ATP10D: variants seen among roughly 807,000 people sequenced by gnomAD.
ATP10D encodes the protein phospholipid-transporting ATPase VD.
Under a neutral mutation model 144.8 loss-of-function variants are expected in ATP10D, and 89 were observed. The ratio of observed to expected loss-of-function variants is 0.61; its 90% CI spans 0.52 to 0.73. The LOEUF is 0.73. Ranked by LOEUF, ATP10D falls within the 30% of genes least tolerant of loss-of-function variation. The probability of loss-of-function intolerance (pLI) is 0.00; values close to 1 mark genes in which losing one functional copy is unlikely to be tolerated. For missense variants in ATP10D, 1,603 were observed against 1,714.8 expected (o/e 0.93, Z 1.15); for synonymous variants, 571 against 615.1 (o/e 0.93, Z 1.06).
At chr4:47,538,824 G>T (rs1293566666) in intron 9 of ATP10D, among the ~76,000 whole-genome samples, 1 of 152,184 alleles carries the variant, frequency 6.6e-6, no homozygotes, top group Non-Finnish European at 1.5e-5. Context: ...AGAGCAGTTT[G>T]CTTCTTCAAG....
intron 5 of ATP10D, among the ~76,000 whole-genome samples, chr4:47,532,375 G>T (rs573776381): frequency 6.6e-6 from 1 of 152,134 alleles, no homozygotes; most frequent in East Asian, 1.9e-4. Flanking sequence ...TCTGATATCC[G>T]TTTGCTTTGA....
At chr4:47,501,822 G>A (rs958510471) in intron 1 of ATP10D, among the ~76,000 whole-genome samples, 1 of 152,104 alleles carries the variant, frequency 6.6e-6, no homozygotes, top group Non-Finnish European at 1.5e-5. Flanking sequence ...GGTAGATATT[G>A]TTATGATCTT....
At chr4:47,489,133 C>T (rs1002812889) in intron 1 of ATP10D, among the ~76,000 whole-genome samples, 2 of 152,016 alleles carry the variant, frequency 1.3e-5, no homozygotes, top group African/African-American at 2.4e-5. Context: ...ATGAGCAATT[C>T]GCAAAAGACA....
intron 21 of ATP10D, 21 bp downstream of exon 21, chr4:47,582,085 T>C (rs1419200298): frequency 1.3e-6 from 2 of 1,567,250 alleles, no homozygotes; most frequent in African/African-American, 2.7e-5. Flanking sequence ...TTCTTGCCTC[T>C]GAAGTAGCCT....
In ATP10D at chr4:47,512,763, C is replaced by T. The variant is rs373001297; in HGVS notation, c.223C>T (p.Arg75Ter). 9 of 1,613,858 alleles carry T rather than the reference C, an allele frequency of 5.6e-6. No individual in the cohort carries two copies. The highest frequency in any genetic ancestry group is 6.8e-6 in the Non-Finnish European group (8 of 1,179,884). The part of the protein sequence containing the change: ...EKFSGAYVNN[R>*]IRTTKYTLLN... ...GTTCTCCGGAGCCTATGTGAACAAT[C>T]GAATACGAACAACAAAGTACACACT... The change falls in exon 2 of 23, where the codon CGA (arginine) becomes TGA (stop). Residue 75 changes from arginine to a stop codon, truncating the protein, a stop_gained. Coordinates refer to ENST00000273859, the MANE Select transcript of ATP10D (RefSeq NM_020453.4). LOFTEE classifies it high-confidence loss of function.
At chr4:47,553,587 A>G (rs1718833376) in intron 10 of ATP10D, among the ~76,000 whole-genome samples, 1 of 152,208 alleles carries the variant, frequency 6.6e-6, no homozygotes, top group Admixed American at 6.5e-5. Context: ...CATTTACTTT[A>G]TACAGCCACC....
chr4:47,522,497 C>T (rs114239764), intron 3 of ATP10D, among the ~76,000 whole-genome samples: 5,041 of 152,314 alleles, frequency 0.033, 114 homozygotes, highest in Non-Finnish European at 0.049. Context: ...TTCAGTGGCT[C>T]AGTAACTAAA....
At chr4:47,502,200 C>A (rs1000579625) in intron 1 of ATP10D, among the ~76,000 whole-genome samples, 1 of 152,128 alleles carries the variant, frequency 6.6e-6, no homozygotes, top group Admixed American at 6.6e-5. Flanking sequence ...CTGGACTGGG[C>A]GCGGTGGTTT....
At chr4:47,508,454 G>A (rs1386993552) in intron 1 of ATP10D, among the ~76,000 whole-genome samples, 1 of 152,218 alleles carries the variant, frequency 6.6e-6, no homozygotes, top group Admixed American at 6.5e-5. Context: ...TTTATTTATA[G>A]CATGTCCCTT....
At chr4:47,565,395 A>G (rs1418202142) in intron 15 of ATP10D, among the ~76,000 whole-genome samples, 1 of 152,212 alleles carries the variant, frequency 6.6e-6, no homozygotes, top group African/African-American at 2.4e-5. Flanking sequence ...GCCAACTCCC[A>G]GTAGCTGCAG....
intron 9 of ATP10D, among the ~76,000 whole-genome samples, chr4:47,543,778 T>G (rs1250541129): frequency 6.6e-6 from 1 of 152,102 alleles, no homozygotes; most frequent in African/African-American, 2.4e-5. Context: ...AGTGATAGTT[T>G]CTACCTGATG....
chr4:47,546,883 A>T (rs772986643), intron 10 of ATP10D, 21 bp downstream of exon 10: 1 of 1,569,110 alleles, frequency 6.4e-7, no homozygotes, highest in Non-Finnish European at 8.8e-7. Context: ...ATGCATGACT[A>T]GAGTCTTGCA....
intron 11 of ATP10D, among the ~76,000 whole-genome samples, chr4:47,557,246 C>T (rs894326795): frequency 6.6e-6 from 1 of 151,612 alleles, no homozygotes; most frequent in Admixed American, 6.6e-5. Flanking sequence ...GGTTAGGATA[C>T]ACACAGATAA....
At chr4:47,506,594 T>C (rs1035469787) in intron 1 of ATP10D, among the ~76,000 whole-genome samples, 14 of 152,188 alleles carry the variant, frequency 9.2e-5, no homozygotes, top group African/African-American at 3.1e-4. Flanking sequence ...ACATTTTCCT[T>C]CCAAAACTTT....
chr4:47,486,124 A>G (rs925678160), intron 1 of ATP10D, among the ~76,000 whole-genome samples: 5 of 152,168 alleles, frequency 3.3e-5, no homozygotes, highest in Non-Finnish European at 7.3e-5. Context: ...GCTTCCCCCA[A>G]AACACTAACT....
intron 15 of ATP10D, among the ~76,000 whole-genome samples, chr4:47,564,316 AG>A (rs1719483380): frequency 6.6e-6 from 1 of 151,996 alleles, no homozygotes; most frequent in Non-Finnish European, 1.5e-5. Context: ...TGCTGAATAA[AG>A]GCATTAGAAG....
Position 47,536,677 on chromosome 4 carries a change from TCTTCTTAGG to T in ATP10D, c.1144-8_1144del, listed in dbSNP as rs1285114818. Reference sequence around the variant, plus strand: ...GTTAACATTTTAAAACTTGTTTGGATCTTCTTAGGTCTTGATTCCTATTTCTCTCTATGT... The same window carrying T: ...GTTAACATTTTAAAACTTGTTTGGATTCTTGATTCCTATTTCTCTCTATGT... On this transcript the variant is annotated splice_acceptor_variant and splice_polypyrimidine_tract_variant and coding_sequence_variant and intron_variant, in exon 9 of 23. Transcript: ENST00000273859. LOFTEE classifies it high-confidence loss of function. The T allele has an allele frequency of 6.3e-7, 1 of 1,599,090 alleles. No individual in the cohort carries two copies. The highest frequency in any genetic ancestry group is 8.5e-7 in the Non-Finnish European group (1 of 1,173,696).
Position 47,569,312 on chromosome 4 carries a change from C to T in ATP10D, c.3163+166C>T, listed in dbSNP as rs761149631. Among the ~76,000 whole-genome samples, 7 of 152,242 alleles carry T rather than the reference C, an allele frequency of 4.6e-5. No homozygotes were observed. In the South Asian group the frequency reaches 6.2e-4, roughly 14 times the overall value. On this transcript the variant is annotated intron_variant, in intron 16 of 22. Coordinates refer to ENST00000273859, the MANE Select transcript of ATP10D (RefSeq NM_020453.4). ...CCTATTTGAGCACCTTCCTCCATCACCTATTTGAGCACCTTCTGTGAACCA... is the reference window on the plus strand; with the variant it reads ...CCTATTTGAGCACCTTCCTCCATCATCTATTTGAGCACCTTCTGTGAACCA...
At chr4:47,513,402 C>G (rs772972880) in intron 2 of ATP10D, among the ~76,000 whole-genome samples, 12 of 152,058 alleles carry the variant, frequency 7.9e-5, no homozygotes, top group Non-Finnish European at 1.2e-4. Flanking sequence ...ACAATATATA[C>G]ATATATAAAA....
Sources: gnomAD v4.1 joint callset for allele counts (sites outside exome capture counted in the v4.1 genomes callset) on GRCh38, gnomAD v4.1.1 for gene constraint, MANE v1.5 for transcripts, NCBI Gene and HGNC (gene_info 2026-07-23, HGNC 2026-07-21) for gene names.